The following SLCO5A1 variants were observed in gnomAD, a reference collection of about 807,000 sequenced individuals.
SLCO5A1 encodes the protein organic anion transporter polypeptide-related protein 4.
SLCO5A1 carries 39 observed loss-of-function variants against 65.1 expected under a neutral mutation model. The ratio of observed to expected loss-of-function variants is 0.60; its 90% CI spans 0.46 to 0.78. SLCO5A1 has a LOEUF of 0.78. Ranked by LOEUF, SLCO5A1 falls within the 30% of genes least tolerant of loss-of-function variation. The pLI is 0.00. For missense variants in SLCO5A1, 1,029 were observed against 1,069.4 expected (o/e 0.96, Z 0.53); for synonymous variants, 438 against 415.7 (o/e 1.05, Z -0.65).
intron 5 of SLCO5A1, among the ~76,000 whole-genome samples, chr8:69,733,630 T>A (rs937086): frequency 6.6e-6 from 1 of 151,918 alleles, no homozygotes; most frequent in Non-Finnish European, 1.5e-5. Context: ...GTGATCGTGG[T>A]GGTGGTTCCC....
At chr8:69,802,367 G>C (rs544415483) in intron 2 of SLCO5A1, among the ~76,000 whole-genome samples, 3 of 151,458 alleles carry the variant, frequency 2.0e-5, no homozygotes, top group Admixed American at 6.6e-5. Flanking sequence ...TTAGCCAGGC[G>C]TGGTGGCGCA....
At chr8:69,682,406 C>G (rs1212780315) in intron 6 of SLCO5A1, 63 bp from the exon 7 acceptor site, 1 of 1,391,410 alleles carries the variant, frequency 7.2e-7, no homozygotes, top group Middle Eastern at 1.9e-4. Flanking sequence ...TAGGAAAGGT[C>G]TTGAAATTAA....
chr8:69,826,220 G>T (rs912326091), intron 2 of SLCO5A1, among the ~76,000 whole-genome samples: 28 of 151,858 alleles, frequency 1.8e-4, no homozygotes, highest in African/African-American at 6.8e-4. Context: ...ATAGGCATGG[G>T]CAAGGACTTC....
At chr8:69,686,450 A>G (rs1478336250) in intron 6 of SLCO5A1, among the ~76,000 whole-genome samples, 2 of 152,146 alleles carry the variant, frequency 1.3e-5, no homozygotes, top group African/African-American at 4.8e-5. Context: ...TATTATTATC[A>G]TCGTCATAAT....
chr8:69,816,314 G>C (rs1820407444), intron 2 of SLCO5A1, among the ~76,000 whole-genome samples: 1 of 152,126 alleles, frequency 6.6e-6, no homozygotes, highest in South Asian at 2.1e-4. Context: ...TGTCTCCAGA[G>C]AGCCAAAATC....
intron 5 of SLCO5A1, among the ~76,000 whole-genome samples, chr8:69,712,917 T>A (rs1410107523): frequency 6.6e-6 from 1 of 152,238 alleles, no homozygotes; most frequent in Non-Finnish European, 1.5e-5. Context: ...TTGTATCCCA[T>A]TTTACAAATA....
chr8:69,737,973 CT>C (rs1196407587), intron 5 of SLCO5A1, 66 bp downstream of exon 5: 1 of 1,541,834 alleles, frequency 6.5e-7, no homozygotes, highest in Non-Finnish European at 8.8e-7. Flanking sequence ...TGAACTTTCT[CT>C]TTACCCATTC....
chr8:69,829,384 A>T (rs1821066367), intron 2 of SLCO5A1, among the ~76,000 whole-genome samples: 1 of 152,238 alleles, frequency 6.6e-6, no homozygotes, highest in Non-Finnish European at 1.5e-5. Flanking sequence ...TGGAAAAAGA[A>T]AAAAGTTGAG....
At chr8:69,759,625 T>G (rs1403145214) in intron 3 of SLCO5A1, among the ~76,000 whole-genome samples, 1 of 152,188 alleles carries the variant, frequency 6.6e-6, no homozygotes, top group Non-Finnish European at 1.5e-5. Context: ...GGGTCTATAC[T>G]CTTCATCTCT....
At position 69,781,808 on chromosome 8, in the gene SLCO5A1, C is replaced by T. The variant is rs144978432; in HGVS notation, c.908-19933G>A. Among the ~76,000 whole-genome samples the T allele has an allele frequency of 7.3e-3, 1,116 of 152,152 alleles. 13 individuals are homozygous for T. Among genetic ancestry groups the T allele is most frequent in the African/African-American group, 0.026 (1,064 of 41,490 alleles). On this transcript the variant is annotated intron_variant, in intron 2 of 9. Coordinates refer to ENST00000260126, the MANE Select transcript of SLCO5A1 (RefSeq NM_030958.3). ...AAGTAGCTGGGATTACAGGCATACA[C>T]CACCACACCCAGCTCATTTTGTATT...
At chr8:69,674,859 A>G (rs912583906) in intron 9 of SLCO5A1, among the ~76,000 whole-genome samples, 3 of 59,776 alleles carry the variant, frequency 5.0e-5, no homozygotes, top group Non-Finnish European at 8.5e-5. Flanking sequence ...CATCTCTACT[A>G]AAAAAAAAAA....
chr8:69,726,789 C>T (rs1196019396), intron 5 of SLCO5A1, among the ~76,000 whole-genome samples: 1 of 152,164 alleles, frequency 6.6e-6, no homozygotes, highest in East Asian at 1.9e-4. Flanking sequence ...GCATGAGCCA[C>T]CATGCCCGGC....
chr8:69,753,084 C>T (rs1343969034), intron 4 of SLCO5A1, among the ~76,000 whole-genome samples: 2 of 152,126 alleles, frequency 1.3e-5, no homozygotes, highest in Admixed American at 1.3e-4. Flanking sequence ...GCCCTGATCG[C>T]TTTTGAACTT....
chr8:69,737,514 G>T (rs1255723171), intron 5 of SLCO5A1, among the ~76,000 whole-genome samples: 1 of 152,060 alleles, frequency 6.6e-6, no homozygotes. Context: ...AGTACTATGG[G>T]TATATGCATC....
At chr8:69,817,289 C>T (rs1020236415) in intron 2 of SLCO5A1, among the ~76,000 whole-genome samples, 1 of 152,104 alleles carries the variant, frequency 6.6e-6, no homozygotes, top group African/African-American at 2.4e-5. Flanking sequence ...GCATAATATC[C>T]TCAAGGCTAA....
At position 69,672,893 on chromosome 8, in the gene SLCO5A1, G is replaced by T; in HGVS notation, c.2523C>A (p.Pro841=). The part of the protein sequence containing the change: ...SSADPGLEES[P]AALEPPS ...TTCAGGAGGGCGGCTCCAAGGCAGC[G>T]GGGCTCTCTTCCAGCCCCGGGTCCG... The change falls in exon 10 of 10, where the codon CCC becomes CCA. Residue 841 remains proline, a synonymous_variant. Coordinates refer to ENST00000260126, the MANE Select transcript of SLCO5A1 (RefSeq NM_030958.3). 3 of 1,612,460 alleles carry T rather than the reference G, an allele frequency of 1.9e-6. No individual in the cohort carries two copies. The highest frequency in any genetic ancestry group is 2.2e-5 in the South Asian group (2 of 91,064).
At chr8:69,787,564 T>C (rs1819085657) in intron 2 of SLCO5A1, among the ~76,000 whole-genome samples, 1 of 152,226 alleles carries the variant, frequency 6.6e-6, no homozygotes, top group African/African-American at 2.4e-5. Context: ...GTATGTTATG[T>C]AACATCCCAA....
intron 6 of SLCO5A1, among the ~76,000 whole-genome samples, chr8:69,690,464 A>G (rs567389943): frequency 1.3e-5 from 2 of 152,308 alleles, no homozygotes; most frequent in South Asian, 2.1e-4. Flanking sequence ...AGGCAAGGAG[A>G]TGAATGGTTT....
At chr8:69,824,324 T>C (rs963124998) in intron 2 of SLCO5A1, among the ~76,000 whole-genome samples, 7 of 151,922 alleles carry the variant, frequency 4.6e-5, no homozygotes, top group Admixed American at 2.0e-4. Context: ...TTCAAAAAAT[T>C]AATGAATCCA....
Sources: gnomAD v4.1 joint callset for allele counts (sites outside exome capture counted in the v4.1 genomes callset) on GRCh38, gnomAD v4.1.1 for gene constraint, MANE v1.5 for transcripts, NCBI Gene and HGNC (gene_info 2026-07-23, HGNC 2026-07-21) for gene names.